The following SLC9A7 variants were observed in gnomAD, a reference collection of about 807,000 sequenced individuals.
SLC9A7 encodes the protein sodium/hydrogen exchanger 7.
Under a neutral mutation model 52.6 loss-of-function variants are expected in SLC9A7, and 19 were observed. The ratio of observed to expected loss-of-function variants is 0.36; its 90% CI spans 0.25 to 0.53. The LOEUF (loss-of-function observed/expected upper bound fraction) is 0.53, where lower values mean the gene tolerates loss of function less well. Ranked by LOEUF, SLC9A7 falls within the 20% of genes least tolerant of loss-of-function variation. The pLI is 0.91. For missense variants in SLC9A7, 455 were observed against 597.9 expected, an observed-to-expected ratio of 0.76 and a Z score of 2.49; for synonymous variants, 226 against 252.1, an observed-to-expected ratio of 0.90 and a Z score of 0.98.
chrX:46,644,636 CAA>C (rs146198116), intron 11 of SLC9A7, among the ~76,000 whole-genome samples: 65 of 66,226 alleles, frequency 9.8e-4, no homozygotes, highest in East Asian at 4.0e-3. Context: ...GGCTGTGTCT[CAA>C]AAAAAAAAAA....
chrX:46,624,952 T>A (rs747204407), intron 14 of SLC9A7, among the ~76,000 whole-genome samples: 3 of 111,748 alleles, frequency 2.7e-5, no homozygotes, highest in Admixed American at 9.5e-5. Context: ...CAAAGAGGAA[T>A]GTAACTTAGC....
At chrX:46,653,987 C>T (rs964236929) in intron 7 of SLC9A7, among the ~76,000 whole-genome samples, 2 of 111,413 alleles carry the variant, frequency 1.8e-5, no homozygotes, top group Non-Finnish European at 3.8e-5. Flanking sequence ...TGAAAAAATT[C>T]TGAAAGTAGA....
chrX:46,616,431 C>T (rs1942954666), intron 15 of SLC9A7, among the ~76,000 whole-genome samples: 2 of 110,787 alleles, frequency 1.8e-5, no homozygotes, highest in Non-Finnish European at 3.8e-5. Context: ...TCTGGAGAAC[C>T]AAGCAAAGTG....
intron 1 of SLC9A7, among the ~76,000 whole-genome samples, chrX:46,719,801 AG>A (rs1310321148): frequency 6.3e-5 from 7 of 111,636 alleles, no homozygotes; most frequent in Non-Finnish European, 1.1e-4. Flanking sequence ...CTAAATGTGA[AG>A]GCATTCCATA....
chrX:46,648,772 G>A lies in SLC9A7; in HGVS notation c.1376C>T (p.Ala459Val), dbSNP rs149272521. 5 of 1,210,556 alleles carry A rather than the reference G, an allele frequency of 4.1e-6. No individual in the cohort carries two copies. Among genetic ancestry groups the A allele is most frequent in the Admixed American group, 2.2e-5 (1 of 45,976 alleles). Residue 459 changes from alanine to valine, a missense_variant, in exon 11 of 17, where the codon GCG becomes GTG. Coordinates refer to ENST00000616978, the MANE Select transcript of SLC9A7 (RefSeq NM_001257291.2). ...AFVAIFLGRAAHIYPLSFFLN... is the reference protein window; with the variant it reads ...AFVAIFLGRAVHIYPLSFFLN... ...GAAGAAGGAGAGCGGGTAGATGTGC[G>A]CGGCTCTGCCCAGGAAGATGGCAAC...
intron 1 of SLC9A7, among the ~76,000 whole-genome samples, chrX:46,743,909 G>C (rs1340886756): frequency 8.9e-6 from 1 of 111,992 alleles, no homozygotes; most frequent in Non-Finnish European, 1.9e-5. Flanking sequence ...TCACACCCAA[G>C]TTCCAAGTGC....
At chrX:46,749,942 G>A (rs763357468) in intron 1 of SLC9A7, among the ~76,000 whole-genome samples, 6 of 110,289 alleles carry the variant, frequency 5.4e-5, no homozygotes, top group South Asian at 7.9e-4. Context: ...TTAGCCAGGC[G>A]TGGTGGAGCA....
Position 46,601,419 on chromosome X carries a change from C to G in SLC9A7, c.*5533G>C, listed in dbSNP as rs1431080969. The G allele has an allele frequency of 8.9e-6, 1 of 112,620 alleles. No homozygotes were observed. The highest frequency in any genetic ancestry group is 3.2e-5 in the African/African-American group (1 of 30,993). The allele number at this position is 112,620 out of a possible 1,213,427, so 9.3% of individuals were successfully genotyped here. On this transcript the variant is annotated 3_prime_UTR_variant, in exon 17 of 17. Coordinates refer to ENST00000616978, the MANE Select transcript of SLC9A7 (RefSeq NM_001257291.2). ...GATGGGATGACGTCAAACAGACCAA[C>G]AGACCTCTATTTTGGAAGGAACTGT...
chrX:46,654,756 G>C (rs969099769), intron 7 of SLC9A7, among the ~76,000 whole-genome samples: 25 of 111,008 alleles, frequency 2.3e-4, no homozygotes, highest in African/African-American at 7.6e-4. Flanking sequence ...GATCCTTCTT[G>C]TAACAGTGCC....
chrX:46,689,639 C>G (rs763000153), intron 1 of SLC9A7, among the ~76,000 whole-genome samples: 6 of 103,382 alleles, frequency 5.8e-5, no homozygotes, highest in Non-Finnish European at 1.2e-4. Context: ...TTCTGGGATA[C>G]ATGTGCAGAA....
chrX:46,690,125 T>C (rs368847944), intron 1 of SLC9A7, among the ~76,000 whole-genome samples: 1 of 112,258 alleles, frequency 8.9e-6, no homozygotes, highest in African/African-American at 3.2e-5. Context: ...ACTGCAGCAC[T>C]ATTTACAATA....
chrX:46,729,275 A>G (rs972331262), intron 1 of SLC9A7, among the ~76,000 whole-genome samples: 3 of 112,598 alleles, frequency 2.7e-5, no homozygotes, highest in African/African-American at 6.4e-5. Context: ...ATAAATACCT[A>G]AAAATTTAAG....
intron 10 of SLC9A7, 134 bp from the exon 11 acceptor site, chrX:46,648,931 A>T: frequency 2.2e-6 from 1 of 460,302 alleles, no homozygotes; most frequent in Non-Finnish European, 3.7e-6. Context: ...AAGAAGCTTG[A>T]CTGTCTAGTT....
intron 1 of SLC9A7, chrX:46,685,751 C>T (rs1031457124): frequency 1.8e-5 from 2 of 111,731 alleles, no homozygotes; most frequent in African/African-American, 6.5e-5. Flanking sequence ...TATTTTCTGA[C>T]GAAGTTTTAC....
intron 1 of SLC9A7, among the ~76,000 whole-genome samples, chrX:46,682,966 T>TTTTTTTTTTTTTTTTTG (rs1944237352): frequency 1.1e-5 from 1 of 89,821 alleles, no homozygotes; most frequent in Non-Finnish European, 2.2e-5. Context: ...GCTAATTTTT[T>TTTTTTTTTTTTTTTTTG]TTTTTTTTTT....
At chrX:46,714,078 A>C (rs1944732436) in intron 1 of SLC9A7, among the ~76,000 whole-genome samples, 1 of 111,310 alleles carries the variant, frequency 9.0e-6, no homozygotes, top group African/African-American at 3.3e-5. Context: ...TAATAGTTTC[A>C]AATCAGTCAG....
chrX:46,732,247 T>C (rs1459537361), intron 1 of SLC9A7, among the ~76,000 whole-genome samples: 3 of 106,977 alleles, frequency 2.8e-5, no homozygotes, highest in Non-Finnish European at 3.9e-5. Context: ...CATTCACTCA[T>C]ACTTACAAAA....
intron 5 of SLC9A7, among the ~76,000 whole-genome samples, chrX:46,665,894 C>T (rs2045570859): frequency 9.1e-6 from 1 of 110,475 alleles, no homozygotes; most frequent in Non-Finnish European, 1.9e-5. Context: ...AAAACAAAAG[C>T]CCACAAAGAT....
intron 1 of SLC9A7, among the ~76,000 whole-genome samples, chrX:46,710,931 A>G (rs769351000): frequency 2.7e-5 from 3 of 112,855 alleles, no homozygotes; most frequent in Non-Finnish European, 5.6e-5. Context: ...CTGCTCTGCA[A>G]CAGCCAAATC....
Sources: gnomAD v4.1 joint callset for allele counts (sites outside exome capture counted in the v4.1 genomes callset) on GRCh38, gnomAD v4.1.1 for gene constraint, MANE v1.5 for transcripts, NCBI Gene and HGNC (gene_info 2026-07-23, HGNC 2026-07-21) for gene names.